CFDP1: variants seen among roughly 807,000 people sequenced by gnomAD.
CFDP1 encodes the protein heterochromatin-stabilizing protein CFDP1.
A neutral mutation model predicts 40.1 loss-of-function variants in CFDP1; 31 were observed. The observed-to-expected ratio is 0.77, with a 90% CI of 0.58 to 1.04. CFDP1 has a LOEUF of 1.04. CFDP1 is among the 50% of genes least tolerant of loss of function. CFDP1 has a pLI of 0.00. For synonymous variants in CFDP1, 167 were observed against 120.0 expected, an observed-to-expected ratio of 1.39 and a Z score of -2.56; for missense variants, 423 against 343.4, an observed-to-expected ratio of 1.23 and a Z score of -1.83.
chr16:75,414,349 A>C (rs1192788619), intron 2 of CFDP1, among the ~76,000 whole-genome samples: 1 of 152,254 alleles, frequency 6.6e-6, no homozygotes, highest in Non-Finnish European at 1.5e-5. Context: ...TTTCTGTTCT[A>C]ACCATATGTA....
chr16:75,296,429 G>A lies in CFDP1; in HGVS notation c.810-2387C>T, dbSNP rs974694661. Among the ~76,000 whole-genome samples, 7 of 151,750 alleles carry A rather than the reference G, an allele frequency of 4.6e-5. 1 individual carries two copies. ...ATTTTAAATCTTTTGTAAAGATAGG[G>A]TCTCTCCATGTTGCCCATGCTGGTC... is the stretch of plus-strand genomic sequence containing the variant. On this transcript the variant is annotated intron_variant, in intron 6 of 6. Transcript: ENST00000283882.
chr16:75,297,892 G>A (rs2078195229), intron 6 of CFDP1, among the ~76,000 whole-genome samples: 1 of 152,092 alleles, frequency 6.6e-6, no homozygotes, highest in African/African-American at 2.4e-5. Flanking sequence ...ACAAGAGAAG[G>A]GTAGAAAATG....
In CFDP1 at chr16:75,315,674, A is replaced by G. The variant is rs548828293; in HGVS notation, c.651-10492T>C. On this transcript the variant is annotated intron_variant, in intron 5 of 6. Transcript: ENST00000283882. The stretch of plus-strand genomic sequence containing the variant: ...TTCAATTGTTAACATTTTGCCACAT[A>G]TAACTTTTCTTTCTATATATAGATT... 1.1e-4 allele frequency among the ~76,000 whole-genome samples: 16 copies of G among 152,308 alleles called. No homozygotes were observed. The South Asian group carries it at 2.5e-3, about 24-fold the overall frequency.
intron 5 of CFDP1, among the ~76,000 whole-genome samples, chr16:75,339,672 T>C (rs2078513364): frequency 6.6e-6 from 1 of 152,234 alleles, no homozygotes; most frequent in South Asian, 2.1e-4. Flanking sequence ...CTTTAGGAAT[T>C]CCTCAGATTT....
intron 1 of CFDP1, among the ~76,000 whole-genome samples, chr16:75,431,592 C>G (rs1020631877): frequency 6.6e-6 from 1 of 151,774 alleles, no homozygotes; most frequent in Non-Finnish European, 1.5e-5. Context: ...TAAGCAGAGA[C>G]TGTGCCACTG....
At chr16:75,336,575 T>A (rs969045901) in intron 5 of CFDP1, among the ~76,000 whole-genome samples, 4 of 152,254 alleles carry the variant, frequency 2.6e-5, no homozygotes, top group African/African-American at 9.6e-5. Flanking sequence ...TGTATGCCCC[T>A]TCACTATTCT....
intron 5 of CFDP1, among the ~76,000 whole-genome samples, chr16:75,317,340 T>C (rs1037312071): frequency 6.6e-6 from 1 of 152,222 alleles, no homozygotes; most frequent in Non-Finnish European, 1.5e-5. Context: ...GCTGCAGCCC[T>C]TCCCGCCTCT....
chr16:75,356,803 TTCA>T (rs1171126144), intron 5 of CFDP1, among the ~76,000 whole-genome samples: 1 of 152,208 alleles, frequency 6.6e-6, no homozygotes, highest in Non-Finnish European at 1.5e-5. Flanking sequence ...TGTAGCCACC[TTCA>T]TCAATTATCT....
At chr16:75,403,873 T>C (rs763796553) in intron 4 of CFDP1, among the ~76,000 whole-genome samples, 3 of 152,134 alleles carry the variant, frequency 2.0e-5, no homozygotes, top group Admixed American at 6.5e-5. Context: ...GGCTCACACC[T>C]GTAATCCCAG....
intron 1 of CFDP1, among the ~76,000 whole-genome samples, chr16:75,425,967 C>A (rs1381639889): frequency 2.4e-5 from 3 of 123,100 alleles, no homozygotes; most frequent in Non-Finnish European, 3.2e-5. Flanking sequence ...ACCTGGGAGG[C>A]GGAGGTTGCA....
intron 5 of CFDP1, among the ~76,000 whole-genome samples, chr16:75,360,880 C>T (rs1393818851): frequency 6.6e-6 from 1 of 152,172 alleles, no homozygotes; most frequent in Non-Finnish European, 1.5e-5. Context: ...AAAAGATTCA[C>T]ATAAGAATTC....
At chr16:75,361,239 G>A (rs577248775) in intron 5 of CFDP1, among the ~76,000 whole-genome samples, 1 of 152,176 alleles carries the variant, frequency 6.6e-6, no homozygotes, top group South Asian at 2.1e-4. Context: ...TCGATCTTCT[G>A]GCCTCAAGTG....
chr16:75,330,017 C>A (rs1414168397), intron 5 of CFDP1, among the ~76,000 whole-genome samples: 1 of 152,060 alleles, frequency 6.6e-6, no homozygotes, highest in South Asian at 2.1e-4. Context: ...CTTTAGAATC[C>A]CCAGAGGTTA....
intron 5 of CFDP1, among the ~76,000 whole-genome samples, chr16:75,342,569 T>C (rs1335144033): frequency 2.6e-5 from 4 of 152,178 alleles, no homozygotes; most frequent in Non-Finnish European, 5.9e-5. Flanking sequence ...CAAAGCCAAA[T>C]GCAGAGTTAG....
At chr16:75,373,363 C>G (rs555609526) in intron 5 of CFDP1, among the ~76,000 whole-genome samples, 1 of 152,274 alleles carries the variant, frequency 6.6e-6, no homozygotes, top group African/African-American at 2.4e-5. Flanking sequence ...AATGACTGGC[C>G]TTATACCAAG....
chr16:75,343,633 C>T (rs1374787665), intron 5 of CFDP1, among the ~76,000 whole-genome samples: 2 of 152,212 alleles, frequency 1.3e-5, no homozygotes, highest in Non-Finnish European at 2.9e-5. Flanking sequence ...TTCATGACTT[C>T]ATCACTAGCT....
chr16:75,335,142 G>C (rs1190906112), intron 5 of CFDP1, among the ~76,000 whole-genome samples: 1 of 152,158 alleles, frequency 6.6e-6, no homozygotes, highest in South Asian at 2.1e-4. Flanking sequence ...TTCTATTTCA[G>C]GCTGGTCTTA....
intron 5 of CFDP1, among the ~76,000 whole-genome samples, chr16:75,388,751 A>G (rs1567667088): frequency 6.6e-6 from 1 of 152,146 alleles, no homozygotes; most frequent in Non-Finnish European, 1.5e-5. Context: ...GACTACATAC[A>G]CTGAATTCTG....
intron 4 of CFDP1, among the ~76,000 whole-genome samples, chr16:75,395,592 G>A (rs2078989777): frequency 6.6e-6 from 1 of 152,262 alleles, no homozygotes; most frequent in Non-Finnish European, 1.5e-5. Flanking sequence ...CCGGGAGGCA[G>A]AGGTTGCAGT....
Sources: allele counts gnomAD v4.1 joint callset (sites outside exome capture counted in the v4.1 genomes callset), GRCh38; gene constraint gnomAD v4.1.1; transcripts MANE v1.5; gene names NCBI Gene and HGNC (gene_info 2026-07-23, HGNC 2026-07-21).